Variants in ADARB2 observed in about 807,000 individuals in gnomAD.
ADARB2 encodes the protein inactive double-stranded RNA-specific editase B2.
A neutral mutation model predicts 62.2 loss-of-function variants in ADARB2; 25 were observed. The observed-to-expected ratio is 0.40, with a 90% CI of 0.29 to 0.56. The LOEUF is 0.56. Among genes scored for constraint, ADARB2 ranks in the 20% least tolerant of loss-of-function variants. ADARB2 has a pLI of 0.43. For synonymous variants in ADARB2, 572 were observed against 500.8 expected (o/e 1.14, Z -1.90); for missense variants, 1,071 against 1,077.4 (o/e 0.99, Z 0.08).
chr10:1,200,356 T>C (rs1471230994), intron 7 of ADARB2: 4 of 656,224 alleles, frequency 6.1e-6, no homozygotes, highest in South Asian at 3.5e-5. Flanking sequence ...CACAGGCCCA[T>C]GTGTGCTAAC....
At chr10:1,727,383 C>T (rs1490062947) in intron 1 of ADARB2, among the ~76,000 whole-genome samples, 2 of 152,208 alleles carry the variant, frequency 1.3e-5, no homozygotes, top group African/African-American at 4.8e-5. Context: ...CCCTACTCCA[C>T]GCTGAGTGCT....
intron 4 of ADARB2, among the ~76,000 whole-genome samples, chr10:1,265,909 G>A (rs1225125709): frequency 8.6e-6 from 1 of 115,952 alleles, no homozygotes; most frequent in Non-Finnish European, 1.8e-5. Context: ...CCCGGAAGAC[G>A]GCCTGAGCCA....
chr10:1,192,768 TGTCTC>T (rs2131738032), intron 8 of ADARB2, among the ~76,000 whole-genome samples: 1 of 152,310 alleles, frequency 6.6e-6, no homozygotes, highest in East Asian at 1.9e-4. Context: ...GGTGAAATCC[TGTCTC>T]TATTAAAAAT....
intron 1 of ADARB2, among the ~76,000 whole-genome samples, chr10:1,486,409 C>T (rs1054955635): frequency 9.2e-5 from 14 of 152,090 alleles, no homozygotes; most frequent in Non-Finnish European, 2.9e-5. Flanking sequence ...TTAAGTAAAT[C>T]ATCTGGAGAG....
chr10:1,576,036 CGG>C, intron 1 of ADARB2, among the ~76,000 whole-genome samples: 1 of 18,338 alleles, frequency 5.5e-5, no homozygotes, highest in Middle Eastern at 0.031. Flanking sequence ...CAGGGCCACT[CGG>C]CGGGGGGGTC....
At chr10:1,327,229 C>T (rs113232018) in intron 3 of ADARB2, among the ~76,000 whole-genome samples, 18 of 62,090 alleles carry the variant, frequency 2.9e-4, no homozygotes, top group East Asian at 8.8e-4. Context: ...CAGCGCCTCC[C>T]CACGGCACAG....
intron 4 of ADARB2, among the ~76,000 whole-genome samples, chr10:1,266,786 AGAG>A (rs1231745467): frequency 6.6e-6 from 1 of 152,204 alleles, no homozygotes; most frequent in East Asian, 1.9e-4. Context: ...GCGTCTCCTC[AGAG>A]GAGTTGAGCA....
intron 1 of ADARB2, among the ~76,000 whole-genome samples, chr10:1,679,982 G>A (rs1304394709): frequency 1.3e-5 from 2 of 152,136 alleles, no homozygotes; most frequent in African/African-American, 2.4e-5. Context: ...CAGGCCCAGA[G>A]CAGCCTTAGC....
At chr10:1,470,543 G>A (rs1020055456) in intron 1 of ADARB2, among the ~76,000 whole-genome samples, 2 of 152,216 alleles carry the variant, frequency 1.3e-5, no homozygotes, top group African/African-American at 4.8e-5. Flanking sequence ...CTCTTCCCCT[G>A]ACTGCAGGAA....
At chr10:1,336,871 C>G (rs1831978757) in intron 3 of ADARB2, among the ~76,000 whole-genome samples, 1 of 152,056 alleles carries the variant, frequency 6.6e-6, no homozygotes, top group South Asian at 2.1e-4. Context: ...GTAACCTTTA[C>G]AGTGCATGTG....
intron 1 of ADARB2, among the ~76,000 whole-genome samples, chr10:1,680,829 G>A (rs60933251): frequency 0.1 from 15,889 of 152,134 alleles, 1,286 homozygotes; most frequent in East Asian, 0.27. Flanking sequence ...TGAGTTTTCA[G>A]GACACACACA....
At chr10:1,384,444 G>T (rs751447670) in intron 1 of ADARB2, among the ~76,000 whole-genome samples, 2 of 152,180 alleles carry the variant, frequency 1.3e-5, no homozygotes, top group Non-Finnish European at 2.9e-5. Context: ...CCTAGAAAGG[G>T]CAGGAAGGAA....
In ADARB2 at chr10:1,643,269, G is replaced by A. The variant is rs1833999866; in HGVS notation, c.100+93782C>T. 2.0e-5 allele frequency among the ~76,000 whole-genome samples: 3 copies of A among 152,218 alleles called. 1 individual carries two copies. The highest frequency in any genetic ancestry group is 4.1e-4 in the South Asian group (2 of 4,826). ...TGTTAATGATGTTTTACATGAAAGG[G>A]CTGGAATTTCCCTTTTGCAGCGTTT... is the stretch of plus-strand genomic sequence containing the variant. On this transcript the variant is annotated intron_variant, in intron 1 of 9. Transcript: ENST00000381312.
chr10:1,572,853 C>T (rs912090426), intron 1 of ADARB2, among the ~76,000 whole-genome samples: 1 of 152,218 alleles, frequency 6.6e-6, no homozygotes, highest in African/African-American at 2.4e-5. Context: ...CCCCCAAATG[C>T]TCCTAGTGCT....
At chr10:1,403,566 C>T (rs1351058510) in intron 1 of ADARB2, among the ~76,000 whole-genome samples, 1 of 152,178 alleles carries the variant, frequency 6.6e-6, no homozygotes, top group Admixed American at 6.5e-5. Flanking sequence ...GGTGAGCTAA[C>T]GGGGAAGCCA....
At chr10:1,556,927 A>G in intron 1 of ADARB2, 1 of 448,316 alleles carries the variant, frequency 2.2e-6, no homozygotes, top group Non-Finnish European at 4.7e-6. Flanking sequence ...ATTTTTGGTG[A>G]CCTCAATATT....
At chr10:1,736,596 G>T (rs777053385) in intron 1 of ADARB2, among the ~76,000 whole-genome samples, 2 of 152,240 alleles carry the variant, frequency 1.3e-5, no homozygotes, top group Non-Finnish European at 2.9e-5. Context: ...AGAGGCGATC[G>T]CAGGGCTTCG....
chr10:1,357,796 C>T (rs1037484232), intron 3 of ADARB2, among the ~76,000 whole-genome samples: 25 of 152,168 alleles, frequency 1.6e-4, no homozygotes, highest in South Asian at 2.1e-4. Flanking sequence ...GCATGGAGCG[C>T]GTACTCTATT....
chr10:1,541,043 A>G (rs878954182), intron 1 of ADARB2, among the ~76,000 whole-genome samples: 13 of 66,290 alleles, frequency 2.0e-4, no homozygotes, highest in African/African-American at 4.4e-4. Flanking sequence ...GACGCAGTTC[A>G]GACCCTGGAT....
Sources: allele counts gnomAD v4.1 joint callset (sites outside exome capture counted in the v4.1 genomes callset), GRCh38; gene constraint gnomAD v4.1.1; transcripts MANE v1.5; gene names NCBI Gene and HGNC (gene_info 2026-07-23, HGNC 2026-07-21).